The following C11orf65 variants were observed in gnomAD, a reference collection of about 807,000 sequenced individuals.
C11orf65 encodes protein MFI.
A neutral mutation model predicts 35.3 loss-of-function variants in C11orf65; 38 were observed. The ratio of observed to expected loss-of-function variants is 1.08; its 90% CI spans 0.83 to 1.41. The LOEUF is 1.41. Among genes scored for constraint, C11orf65 ranks in the 40% most tolerant of loss-of-function variants. The pLI is 0.00. For synonymous variants in C11orf65, 105 were observed against 114.4 expected (o/e 0.92, Z 0.53); for missense variants, 370 against 367.1 (o/e 1.01, Z -0.06).
intron 2 of C11orf65, among the ~76,000 whole-genome samples, chr11:108,358,220 T>A (rs2090264550): frequency 6.6e-6 from 1 of 150,720 alleles, no homozygotes; most frequent in Non-Finnish European, 1.5e-5. Context: ...ATGAATGAAA[T>A]GAAGCGAGAA....
chr11:108,364,308 T>C (rs1218519039), intron 2 of C11orf65, among the ~76,000 whole-genome samples: 1 of 152,236 alleles, frequency 6.6e-6, no homozygotes, highest in Admixed American at 6.5e-5. Flanking sequence ...AAGCATTTGC[T>C]AAAGCCTATT....
intron 2 of C11orf65, chr11:108,355,080 C>T: frequency 1.7e-6 from 1 of 578,158 alleles, no homozygotes; most frequent in South Asian, 2.1e-5. Context: ...CCTTGAGTTT[C>T]TTGGAATGTT....
intron 3 of C11orf65, among the ~76,000 whole-genome samples, chr11:108,413,184 T>G (rs928120261): frequency 6.6e-6 from 1 of 152,206 alleles, no homozygotes; most frequent in African/African-American, 2.4e-5. Context: ...AAACACACCT[T>G]AATACACTTT....
chr11:108,363,332 G>C (rs2137786636), intron 2 of C11orf65, among the ~76,000 whole-genome samples: 1 of 152,238 alleles, frequency 6.6e-6, no homozygotes, highest in East Asian at 1.9e-4. Flanking sequence ...TAACCTGGGT[G>C]TATTTCCCTT....
chr11:108,368,953 A>G, intron 2 of C11orf65: 1 of 190,568 alleles, frequency 5.2e-6, no homozygotes, highest in East Asian at 8.4e-5. Context: ...TTGGTTTGAA[A>G]TATAGAGATG....
chr11:108,392,297 C>T (rs1414923093), intron 7 of C11orf65, among the ~76,000 whole-genome samples: 1 of 152,152 alleles, frequency 6.6e-6, no homozygotes, highest in Non-Finnish European at 1.5e-5. Context: ...TCTGCTTGGT[C>T]TCCCAAAGTG....
At chr11:108,456,517 C>T (rs750191154) in intron 2 of C11orf65, among the ~76,000 whole-genome samples, 18 of 152,272 alleles carry the variant, frequency 1.2e-4, no homozygotes, top group Non-Finnish European at 2.5e-4. Flanking sequence ...CATGGTGGCT[C>T]ACCTCTGTAA....
chr11:108,421,973 C>G (rs2092824031), intron 3 of C11orf65, among the ~76,000 whole-genome samples: 1 of 152,172 alleles, frequency 6.6e-6, no homozygotes, highest in South Asian at 2.1e-4. Flanking sequence ...ACACTGTCAC[C>G]CGGGTTGGTG....
At chr11:108,317,381 G>GA (rs765592353) in intron 6 of C11orf65, 4 of 1,611,416 alleles carry the variant, frequency 2.5e-6, no homozygotes, top group Non-Finnish European at 8.5e-7. Flanking sequence ...AGGCCTTGCA[G>GA]AATTTGGGAC....
intron 2 of C11orf65, among the ~76,000 whole-genome samples, chr11:108,443,531 G>A (rs574393078): frequency 6.6e-6 from 1 of 152,100 alleles, no homozygotes; most frequent in Admixed American, 6.6e-5. Flanking sequence ...CATTTTTACA[G>A]CATCACACGA....
At chr11:108,366,132 C>T (rs2091315421) in intron 2 of C11orf65, 1 of 189,002 alleles carries the variant, frequency 5.3e-6, no homozygotes, top group African/African-American at 2.3e-5. Context: ...ATTTCAAAGA[C>T]ACAGTTAGTG....
intron 1 of C11orf65, among the ~76,000 whole-genome samples, chr11:108,464,996 A>C (rs2135799048): frequency 6.6e-6 from 1 of 152,346 alleles, no homozygotes; most frequent in South Asian, 2.1e-4. Context: ...AACGTAAATT[A>C]GATATTAGGA....
chr11:108,357,474 G>C (rs192898430), intron 2 of C11orf65, among the ~76,000 whole-genome samples: 1 of 152,218 alleles, frequency 6.6e-6, no homozygotes, highest in South Asian at 2.1e-4. Context: ...GCCTCTGTAG[G>C]CTCCACCTCT....
chr11:108,441,662 G>T (rs1017107927), intron 2 of C11orf65, among the ~76,000 whole-genome samples: 6 of 152,188 alleles, frequency 3.9e-5, no homozygotes, highest in Non-Finnish European at 5.9e-5. Flanking sequence ...TTGCCATTCT[G>T]CAATATTTGC....
intron 6 of C11orf65, among the ~76,000 whole-genome samples, chr11:108,402,026 A>T (rs898636054): frequency 2.0e-5 from 3 of 152,176 alleles, no homozygotes; most frequent in Admixed American, 6.5e-5. Flanking sequence ...ATTCCTGGCA[A>T]TGTAGATTAG....
chr11:108,355,252 G>A (rs2089755996), intron 2 of C11orf65: 1 of 252,952 alleles, frequency 4.0e-6, no homozygotes, highest in African/African-American at 2.3e-5. Flanking sequence ...GAACTAATTA[G>A]TCAGACAAAT....
chr11:108,322,560 T>C (rs776188337), intron 6 of C11orf65, among the ~76,000 whole-genome samples: 1 of 152,220 alleles, frequency 6.6e-6, no homozygotes, highest in Non-Finnish European at 1.5e-5. Context: ...TTGCTTCTTA[T>C]AATGGTGAGA....
At chr11:108,407,887 G>A (rs1437490590) in intron 3 of C11orf65, among the ~76,000 whole-genome samples, 1 of 127,596 alleles carries the variant, frequency 7.8e-6, no homozygotes, top group Non-Finnish European at 1.6e-5. Context: ...AGCCAAGATC[G>A]CCCCACTGCA....
chr11:108,405,237 G>A (rs569799905), intron 6 of C11orf65, among the ~76,000 whole-genome samples, 192 bp downstream of exon 6: 2 of 152,302 alleles, frequency 1.3e-5, no homozygotes, highest in East Asian at 3.9e-4. Context: ...TAGGCGGTTG[G>A]ACACTCAGCA....
Sources: allele counts gnomAD v4.1 joint callset (sites outside exome capture counted in the v4.1 genomes callset), GRCh38; gene constraint gnomAD v4.1.1; transcripts MANE v1.5; gene names NCBI Gene and HGNC (gene_info 2026-07-23, HGNC 2026-07-21).